The following HUNK variants were observed in gnomAD, a reference collection of about 807,000 sequenced individuals.
HUNK encodes hormonally up-regulated neu tumor-associated kinase.
HUNK carries 21 observed loss-of-function variants against 61.0 expected under a neutral mutation model. That is an observed-to-expected ratio of 0.34 (90% CI 0.24 to 0.50). The LOEUF is 0.50. Among genes scored for constraint, HUNK ranks in the 20% least tolerant of loss-of-function variants. The probability of loss-of-function intolerance (pLI) is 0.98; values close to 1 mark genes in which losing one functional copy is unlikely to be tolerated. For synonymous variants in HUNK, 371 were observed against 386.1 expected (o/e 0.96, Z 0.46); for missense variants, 772 against 945.7 (o/e 0.82, Z 2.41).
At chr21:31,989,979 A>C (rs2053160670) in intron 8 of HUNK, 150 bp from the exon 9 acceptor site, 1 of 710,446 alleles carries the variant, frequency 1.4e-6, no homozygotes, top group African/African-American at 1.8e-5. Flanking sequence ...TCTGCTGTCT[A>C]CTTCCATGGC....
intron 8 of HUNK, among the ~76,000 whole-genome samples, chr21:31,986,150 T>C (rs2053131187): frequency 1.3e-5 from 2 of 151,964 alleles, no homozygotes; most frequent in Non-Finnish European, 2.9e-5. Flanking sequence ...AACCCCCTCT[T>C]GCATGAATGA....
chr21:31,945,667 C>T (rs146091469), intron 3 of HUNK, among the ~76,000 whole-genome samples: 215 of 152,238 alleles, frequency 1.4e-3, no homozygotes, highest in African/African-American at 5.0e-3. Flanking sequence ...AACTCAAATC[C>T]CCTCTGCTTG....
intron 8 of HUNK, among the ~76,000 whole-genome samples, chr21:31,986,108 A>G (rs1031988221): frequency 1.3e-5 from 2 of 152,056 alleles, no homozygotes; most frequent in Admixed American, 1.3e-4. Context: ...CCTGAACTCT[A>G]GACCCCTCTG....
At chr21:31,935,702 T>C (rs1319097717) in intron 2 of HUNK, among the ~76,000 whole-genome samples, 1 of 152,228 alleles carries the variant, frequency 6.6e-6, no homozygotes, top group African/African-American at 2.4e-5. Context: ...ATTAAAAGCA[T>C]GCATTTGACG....
intron 1 of HUNK, among the ~76,000 whole-genome samples, chr21:31,917,683 C>T (rs1480536660): frequency 6.8e-6 from 1 of 146,340 alleles, no homozygotes; most frequent in Non-Finnish European, 1.5e-5. Context: ...CTGAAACTCC[C>T]ATTCCCAAAC....
chr21:31,966,478 C>G lies in HUNK; in HGVS notation c.875-1772C>G, dbSNP rs565294235. 1.3e-4 allele frequency among the ~76,000 whole-genome samples: 20 copies of G among 152,276 alleles called. No homozygotes were observed. In the South Asian group the frequency reaches 4.1e-3, roughly 32 times the overall value. On this transcript the variant is annotated intron_variant, in intron 5 of 10. Coordinates refer to ENST00000270112, the MANE Select transcript of HUNK (RefSeq NM_014586.2). ...CTACCCACTATTGAAAGGGAGATGA[C>G]CTGGTAACCTCTTCAACAGTATGGG...
At chr21:31,896,667 G>A (rs770519618) in intron 1 of HUNK, among the ~76,000 whole-genome samples, 52 of 152,184 alleles carry the variant, frequency 3.4e-4, no homozygotes, top group Admixed American at 1.1e-3. Flanking sequence ...AAAAGAAGAA[G>A]GTGTTTGAGG....
Position 31,924,488 on chromosome 21 carries a change from T to C in HUNK, c.282T>C (p.Asp94=). The C allele has an allele frequency of 6.2e-6, 10 of 1,613,824 alleles. No homozygotes were observed. Among genetic ancestry groups the C allele is most frequent in the Non-Finnish European group, 7.6e-6 (9 of 1,179,960 alleles). ...CTTAGGTGGCCATAAAAGTCATTGATAAGAAGAGAGCCAAAAAGGACACCT... is the reference window on the plus strand; with the variant it reads ...CTTAGGTGGCCATAAAAGTCATTGACAAGAAGAGAGCCAAAAAGGACACCT... The part of the protein sequence containing the change: ...TGEKVAIKVI[D]KKRAKKDTYV... Residue 94 remains aspartate (D), a synonymous_variant, in exon 2 of 11, where the codon GAT becomes GAC. Coordinates refer to ENST00000270112, the MANE Select transcript of HUNK (RefSeq NM_014586.2). The surrounding 1 kb of genome is among the most constrained non-coding windows in gnomAD (Gnocchi z 5.1).
At chr21:31,916,091 C>T (rs2052580452) in intron 1 of HUNK, among the ~76,000 whole-genome samples, 1 of 126,704 alleles carries the variant, frequency 7.9e-6, no homozygotes, top group African/African-American at 3.1e-5. Flanking sequence ...CGCTCTGTCG[C>T]CCAGGCTGGA....
chr21:31,959,499 T>C (rs1413701650), intron 5 of HUNK, among the ~76,000 whole-genome samples: 1 of 152,226 alleles, frequency 6.6e-6, no homozygotes, highest in Non-Finnish European at 1.5e-5. Context: ...AATCATCAGG[T>C]GTGTTTGAAA....
chr21:31,985,858 G>T (rs367880521), intron 8 of HUNK, among the ~76,000 whole-genome samples: 1 of 152,160 alleles, frequency 6.6e-6, no homozygotes, highest in East Asian at 1.9e-4. Flanking sequence ...ACACTGCAGT[G>T]AAGGGAGAGA....
At position 31,873,568 on chromosome 21, in the gene HUNK, T is replaced by A; in HGVS notation, c.-107T>A. 1 of 894,270 alleles carries A rather than the reference T, an allele frequency of 1.1e-6. No individual in the cohort carries two copies. The allele number at this position is 894,270 out of a possible 1,614,324, so 55.4% of individuals were successfully genotyped here. ...CTGGGTGCGGAGACCCAGGCGGGGC[T>A]GGGCCCAGGGCGGCGGCGGGAGAAG... On this transcript the variant is annotated 5_prime_UTR_variant, in exon 1 of 11. Coordinates refer to ENST00000270112, the MANE Select transcript of HUNK (RefSeq NM_014586.2). This position sits in a 1 kb window ranked among gnomAD's most constrained non-coding sequence, Gnocchi z 6.1.
intron 1 of HUNK, among the ~76,000 whole-genome samples, chr21:31,913,891 G>A (rs939585325): frequency 6.6e-6 from 1 of 152,024 alleles, no homozygotes; most frequent in African/African-American, 2.4e-5. Flanking sequence ...TAGTCACAGG[G>A]AGTAGTGGGA....
In HUNK at chr21:31,999,571, T is replaced by G. The variant is rs954120386; in HGVS notation, c.*387T>G. ...GCTACATGTGTGCCTCTCACAGCAG[T>G]TGGCCACAGTTACAGGGAGAGAACA... On this transcript the variant is annotated 3_prime_UTR_variant, in exon 11 of 11. Coordinates refer to ENST00000270112, the MANE Select transcript of HUNK (RefSeq NM_014586.2). 4.6e-5 allele frequency: 9 copies of G among 194,168 alleles called. No homozygotes were observed. The highest frequency in any genetic ancestry group is 2.6e-4 in the Admixed American group (5 of 19,000). The allele number at this position is 194,168 out of a possible 1,614,324, so 12.0% of individuals were successfully genotyped here.
At chr21:31,994,567 G>T (rs1225388068) in intron 9 of HUNK, among the ~76,000 whole-genome samples, 1 of 152,190 alleles carries the variant, frequency 6.6e-6, no homozygotes, top group African/African-American at 2.4e-5. Flanking sequence ...GGTGAGGTCA[G>T]AGGTGGAGTT....
chr21:31,963,633 A>T (rs1224597942), intron 5 of HUNK, among the ~76,000 whole-genome samples: 1 of 151,806 alleles, frequency 6.6e-6, no homozygotes, highest in African/African-American at 2.4e-5. Flanking sequence ...AGTAGCTGGG[A>T]CTGCAGGCGC....
At chr21:31,891,829 G>C (rs1193074399) in intron 1 of HUNK, among the ~76,000 whole-genome samples, 1 of 152,166 alleles carries the variant, frequency 6.6e-6, no homozygotes, top group Non-Finnish European at 1.5e-5. Context: ...TTATGCATAA[G>C]TAAACTAGAG....
rs544134488 is a variant in HUNK at position 31,940,928 on chromosome 21, C to T, written c.610+708C>T. Among the ~76,000 whole-genome samples the T allele has an allele frequency of 2.0e-5, 3 of 152,260 alleles. No homozygotes were observed. In the South Asian group the frequency reaches 6.2e-4, roughly 32 times the overall value. On this transcript the variant is annotated intron_variant, in intron 3 of 10. Transcript: ENST00000270112. ...CTCCCACCTCAGATGCAAGTAATTT[C>T]TTTTACCTCAATGGCTTGAAAAGAC...
chr21:31,952,082 G>C (rs2052853958), intron 4 of HUNK, among the ~76,000 whole-genome samples: 1 of 151,912 alleles, frequency 6.6e-6, no homozygotes, highest in Non-Finnish European at 1.5e-5. Context: ...GGAAGGAAAG[G>C]AAAAGAAACA....
Sources: allele counts gnomAD v4.1 joint callset (sites outside exome capture counted in the v4.1 genomes callset), GRCh38; gene constraint gnomAD v4.1.1; non-coding constraint Gnocchi (gnomAD v3.1); transcripts MANE v1.5; gene names NCBI Gene and HGNC (gene_info 2026-07-23, HGNC 2026-07-21).